ARK2C: variants seen among roughly 807,000 people sequenced by gnomAD.
ARK2C encodes the protein E3 ubiquitin-protein ligase ARK2C.
At chr18:46,354,522 G>A in the ARK2C span, among the ~76,000 whole-genome samples, 1 of 152,222 alleles carries the variant, frequency 6.6e-6, no homozygotes, top group South Asian at 2.1e-4. Flanking sequence ...GGCCGAACTT[G>A]AGAAACCTTT....
the ARK2C span, among the ~76,000 whole-genome samples, chr18:46,354,299 T>C: frequency 6.6e-6 from 1 of 152,172 alleles, no homozygotes; most frequent in African/African-American, 2.4e-5. Context: ...GGCTCAGCTC[T>C]ACAAGTGTGG....
the ARK2C span, among the ~76,000 whole-genome samples, chr18:46,446,055 G>C: frequency 6.6e-6 from 1 of 152,126 alleles, no homozygotes; most frequent in Non-Finnish European, 1.5e-5. Flanking sequence ...CCAAGATTAA[G>C]GCTTGAGTAG....
chr18:46,426,186 G>T, the ARK2C span, among the ~76,000 whole-genome samples: 1 of 152,104 alleles, frequency 6.6e-6, no homozygotes, highest in Non-Finnish European at 1.5e-5. Context: ...CAAGCTTCCT[G>T]ACTCCCTGGG....
chr18:46,444,049 T>C, the ARK2C span, among the ~76,000 whole-genome samples: 827 of 152,248 alleles, frequency 5.4e-3, 13 homozygotes, highest in Non-Finnish European at 3.6e-3. Flanking sequence ...CAGTTTTTTT[T>C]CCCTTCAGCA....
the ARK2C span, among the ~76,000 whole-genome samples, chr18:46,441,934 A>G: frequency 6.1e-5 from 9 of 146,652 alleles, no homozygotes; most frequent in Non-Finnish European, 1.2e-4. Flanking sequence ...GGAGGCCGAG[A>G]CGGGCGGATC....
chr18:46,391,599 G>C, the ARK2C span, among the ~76,000 whole-genome samples: 1 of 151,962 alleles, frequency 6.6e-6, no homozygotes, highest in East Asian at 1.9e-4. Context: ...GCACAGCCAG[G>C]CTTTCCCACC....
At chr18:46,454,882 T>G in the ARK2C span, among the ~76,000 whole-genome samples, 3 of 152,198 alleles carry the variant, frequency 2.0e-5, no homozygotes, top group African/African-American at 7.2e-5. Context: ...TGCCAAAATA[T>G]TTACCAAGTA....
At chr18:46,443,100 G>A in the ARK2C span, among the ~76,000 whole-genome samples, 1 of 152,232 alleles carries the variant, frequency 6.6e-6, no homozygotes, top group South Asian at 2.1e-4. Flanking sequence ...TCTGTTAATT[G>A]GGGTGTCTAG....
At chr18:46,368,330 C>T in the ARK2C span, among the ~76,000 whole-genome samples, 1 of 152,260 alleles carries the variant, frequency 6.6e-6, no homozygotes, top group South Asian at 2.1e-4. Context: ...CTTACTCTTC[C>T]CCCATTGCCT....
At chr18:46,348,527 G>A in the ARK2C span, among the ~76,000 whole-genome samples, 1 of 152,164 alleles carries the variant, frequency 6.6e-6, no homozygotes, top group Non-Finnish European at 1.5e-5. Context: ...ACCTCCACAG[G>A]AAGAGGTACC....
At chr18:46,418,010 A>G in the ARK2C span, among the ~76,000 whole-genome samples, 2 of 150,760 alleles carry the variant, frequency 1.3e-5, no homozygotes, top group Admixed American at 1.3e-4. Flanking sequence ...AAAAAAAAAA[A>G]GTATAATGTA....
the ARK2C span, among the ~76,000 whole-genome samples, chr18:46,406,364 A>T: frequency 3.3e-5 from 5 of 152,156 alleles, no homozygotes; most frequent in African/African-American, 1.2e-4. Flanking sequence ...TCTTACTGCC[A>T]TTGCCCTGTG....
At chr18:46,403,299 T>G in the ARK2C span, among the ~76,000 whole-genome samples, 1 of 152,152 alleles carries the variant, frequency 6.6e-6, no homozygotes, top group African/African-American at 2.4e-5. Flanking sequence ...AAGTAACTGA[T>G]GGAAATGCAG....
At chr18:46,395,469 A>C in the ARK2C span, among the ~76,000 whole-genome samples, 1 of 152,174 alleles carries the variant, frequency 6.6e-6, no homozygotes, top group African/African-American at 2.4e-5. Context: ...ACTTCTGTGC[A>C]TATATCATCA....
the ARK2C span, among the ~76,000 whole-genome samples, chr18:46,400,002 C>G: frequency 6.6e-6 from 1 of 152,210 alleles, no homozygotes; most frequent in African/African-American, 2.4e-5. Flanking sequence ...TGGGGCCACA[C>G]CCCAGGTGTT....
chr18:46,338,358 C>G, the ARK2C span, among the ~76,000 whole-genome samples: 2 of 152,358 alleles, frequency 1.3e-5, no homozygotes, highest in African/African-American at 4.8e-5. Flanking sequence ...CTATCCAGGG[C>G]CAGCAGCGGA....
chr18:46,354,461 G>T, the ARK2C span, among the ~76,000 whole-genome samples: 1 of 152,212 alleles, frequency 6.6e-6, no homozygotes, highest in Non-Finnish European at 1.5e-5. Context: ...GCCCATAGGC[G>T]CCCAAACCCA....
At chr18:46,344,989 C>G in the ARK2C span, among the ~76,000 whole-genome samples, 1 of 151,926 alleles carries the variant, frequency 6.6e-6, no homozygotes, top group Non-Finnish European at 1.5e-5. Flanking sequence ...TCAGACCTGT[C>G]TCCCTCCCTA....
the ARK2C span, among the ~76,000 whole-genome samples, chr18:46,350,723 G>C: frequency 6.6e-6 from 1 of 152,178 alleles, no homozygotes; most frequent in African/African-American, 2.4e-5. Context: ...TGTCACACTG[G>C]GGGAATGAAA....
Sources: gnomAD v4.1 joint callset for allele counts (sites outside exome capture counted in the v4.1 genomes callset) on GRCh38, gnomAD v4.1.1 for gene constraint, MANE v1.5 for transcripts, NCBI Gene and HGNC (gene_info 2026-07-23, HGNC 2026-07-21) for gene names.